Variants in GRM7 observed in about 807,000 individuals in gnomAD.
The protein encoded by GRM7 is metabotropic glutamate receptor 7.
A neutral mutation model predicts 84.5 loss-of-function variants in GRM7; 35 were observed. The ratio of observed to expected loss-of-function variants is 0.41; its 90% CI spans 0.32 to 0.55. The LOEUF (loss-of-function observed/expected upper bound fraction) is 0.55, where lower values mean the gene tolerates loss of function less well. GRM7 is among the 20% of genes least tolerant of loss of function. GRM7 has a pLI of 0.19. For synonymous variants in GRM7, 487 were observed against 455.1 expected, an observed-to-expected ratio of 1.07 and a Z score of -0.89; for missense variants, 1,003 against 1,194.6, an observed-to-expected ratio of 0.84 and a Z score of 2.36.
At chr3:7,108,300 G>A (rs529884134) in intron 1 of GRM7, among the ~76,000 whole-genome samples, 10 of 152,144 alleles carry the variant, frequency 6.6e-5, no homozygotes, top group African/African-American at 1.9e-4. Context: ...ATATGGTTGC[G>A]TGGCCTTAGG....
Position 7,429,018 on chromosome 3 carries a change from T to A in GRM7, c.1174+13855T>A, listed in dbSNP as rs957093764. Reference sequence around the variant, plus strand: ...GGGGAATTGCTTTCTTGGGATGCATTTCTAGAAGTTGTTAAATGGAGTAGT... The same window carrying A: ...GGGGAATTGCTTTCTTGGGATGCATATCTAGAAGTTGTTAAATGGAGTAGT... On this transcript the variant is annotated intron_variant, in intron 5 of 9. Transcript: ENST00000357716. Among the ~76,000 whole-genome samples the A allele has an allele frequency of 8.5e-5, 13 of 152,320 alleles. No homozygotes were observed. In the East Asian group the frequency reaches 2.1e-3, roughly 25 times the overall value.
intron 1 of GRM7, among the ~76,000 whole-genome samples, chr3:6,985,574 T>C (rs866201146): frequency 5.3e-5 from 8 of 152,326 alleles, no homozygotes; most frequent in Admixed American, 2.0e-4. Flanking sequence ...TCTTGTGTTA[T>C]AGATGGAGAA....
chr3:7,070,615 C>T (rs891885547), intron 1 of GRM7, among the ~76,000 whole-genome samples: 6 of 151,978 alleles, frequency 3.9e-5, no homozygotes, highest in Admixed American at 6.6e-5. Flanking sequence ...AAAGTCACTA[C>T]GGGGATATAA....
intron 1 of GRM7, among the ~76,000 whole-genome samples, chr3:6,864,679 A>G (rs1040559389): frequency 6.6e-6 from 1 of 152,106 alleles, no homozygotes; most frequent in Non-Finnish European, 1.5e-5. Context: ...ATCACTTGAG[A>G]TATACGTTTA....
intron 8 of GRM7, among the ~76,000 whole-genome samples, chr3:7,673,963 G>A (rs1575616965): frequency 6.6e-6 from 1 of 152,084 alleles, no homozygotes; most frequent in East Asian, 1.9e-4. Context: ...ACCAGGTTAA[G>A]TACTGTATGA....
At chr3:7,684,248 A>G (rs1045465157) in intron 9 of GRM7, among the ~76,000 whole-genome samples, 2 of 152,238 alleles carry the variant, frequency 1.3e-5, no homozygotes, top group African/African-American at 4.8e-5. Context: ...TATTTTCTGA[A>G]TTTAAGCTGA....
At chr3:7,186,158 A>T (rs1257198840) in intron 2 of GRM7, among the ~76,000 whole-genome samples, 1 of 152,234 alleles carries the variant, frequency 6.6e-6, no homozygotes, top group African/African-American at 2.4e-5. Context: ...GCTACTTAGC[A>T]CCTGCTTCTT....
chr3:7,682,165 G>C (rs919191369), intron 9 of GRM7: 1 of 151,700 alleles, frequency 6.6e-6, no homozygotes, highest in African/African-American at 2.4e-5. Context: ...GAGAAACCCC[G>C]TCTCTACTAA....
At chr3:7,074,839 G>T (rs1251453523) in intron 1 of GRM7, among the ~76,000 whole-genome samples, 1 of 152,152 alleles carries the variant, frequency 6.6e-6, no homozygotes, top group African/African-American at 2.4e-5. Context: ...AAGTTTAAAT[G>T]CAGGGACATA....
At position 7,385,154 on chromosome 3, in the gene GRM7, C is replaced by T. The variant is rs372219063; in HGVS notation, c.1034-29869C>T. Among the ~76,000 whole-genome samples, 116 of 151,704 alleles carry T rather than the reference C, an allele frequency of 7.6e-4. 1 individual carries two copies. Among genetic ancestry groups the T allele is most frequent in the African/African-American group, 1.5e-3 (60 of 41,254 alleles). ...ATCAAAATAAGGGAAAATGCATTTC[C>T]GGGAGATTAAGTCATTATATTTGAC... On this transcript the variant is annotated intron_variant, in intron 4 of 9. Coordinates refer to ENST00000357716, the MANE Select transcript of GRM7 (RefSeq NM_000844.4).
intron 8 of GRM7, among the ~76,000 whole-genome samples, chr3:7,650,595 G>T (rs1698887866): frequency 6.6e-6 from 1 of 152,236 alleles, no homozygotes. Context: ...TGTTTCAGAT[G>T]AGGTTAATTA....
chr3:7,396,952 G>C (rs1036893016), intron 4 of GRM7, among the ~76,000 whole-genome samples: 1 of 151,950 alleles, frequency 6.6e-6, no homozygotes, highest in Admixed American at 6.6e-5. Context: ...GAAAACAAAA[G>C]TACCCCAGGA....
At chr3:7,705,531 G>A (rs920792933) in intron 9 of GRM7, among the ~76,000 whole-genome samples, 1 of 152,176 alleles carries the variant, frequency 6.6e-6, no homozygotes, top group East Asian at 1.9e-4. Context: ...ATAAGAAGTA[G>A]AGGGAATTAT....
intron 4 of GRM7, among the ~76,000 whole-genome samples, chr3:7,324,442 A>G (rs1194017099): frequency 6.6e-6 from 1 of 152,158 alleles, no homozygotes; most frequent in African/African-American, 2.4e-5. Flanking sequence ...GGACCTGCTG[A>G]CCTCAGCCCA....
At chr3:7,130,839 C>T (rs1693571048) in intron 1 of GRM7, among the ~76,000 whole-genome samples, 1 of 152,046 alleles carries the variant, frequency 6.6e-6, no homozygotes, top group African/African-American at 2.4e-5. Flanking sequence ...GATTCTAGAA[C>T]AAATCAATAT....
At chr3:7,180,229 C>A (rs1695290733) in intron 2 of GRM7, among the ~76,000 whole-genome samples, 1 of 152,202 alleles carries the variant, frequency 6.6e-6, no homozygotes, top group African/African-American at 2.4e-5. Flanking sequence ...GCTTTTCGAA[C>A]TGTTGACAAA....
At chr3:7,201,961 C>T (rs184523586) in intron 2 of GRM7, among the ~76,000 whole-genome samples, 2 of 152,124 alleles carry the variant, frequency 1.3e-5, no homozygotes, top group Admixed American at 6.5e-5. Flanking sequence ...CATGACTGAC[C>T]GTTTTTGCTA....
At chr3:7,246,420 G>C (rs892270532) in intron 2 of GRM7, among the ~76,000 whole-genome samples, 58 of 152,224 alleles carry the variant, frequency 3.8e-4, no homozygotes, top group African/African-American at 1.3e-3. Context: ...AAGAGAGATT[G>C]GCTCCTGTGT....
intron 8 of GRM7, among the ~76,000 whole-genome samples, chr3:7,593,046 T>C (rs190715696): frequency 1.3e-5 from 2 of 152,340 alleles, no homozygotes; most frequent in East Asian, 3.9e-4. Context: ...ATTCCATGCA[T>C]GGAAATGCTC....
Sources: gnomAD v4.1 joint callset for allele counts (sites outside exome capture counted in the v4.1 genomes callset) on GRCh38, gnomAD v4.1.1 for gene constraint, MANE v1.5 for transcripts, NCBI Gene and HGNC (gene_info 2026-07-23, HGNC 2026-07-21) for gene names.